Variants in KCNH1 observed in about 807,000 individuals in gnomAD.
The protein encoded by KCNH1 is voltage-gated delayed rectifier potassium channel KCNH1.
Under a neutral mutation model 69.2 loss-of-function variants are expected in KCNH1, and 27 were observed. The ratio of observed to expected loss-of-function variants is 0.39; its 90% CI spans 0.29 to 0.54. The LOEUF is 0.54. Ranked by LOEUF, KCNH1 falls within the 20% of genes least tolerant of loss-of-function variation. The probability of loss-of-function intolerance (pLI) is 0.68; values close to 1 mark genes in which losing one functional copy is unlikely to be tolerated. For missense variants in KCNH1, 798 were observed against 1,261.6 expected (o/e 0.63, Z 5.57); for synonymous variants, 456 against 487.7 (o/e 0.93, Z 0.86).
intron 5 of KCNH1, among the ~76,000 whole-genome samples, chr1:211,051,932 C>G (rs553302809): frequency 6.6e-6 from 1 of 151,950 alleles, no homozygotes; most frequent in Non-Finnish European, 1.5e-5. Context: ...CTCCAAATCT[C>G]TCTCTTTGCA....
intron 6 of KCNH1, among the ~76,000 whole-genome samples, chr1:210,974,964 C>G (rs1464212349): frequency 6.6e-6 from 1 of 152,076 alleles, no homozygotes; most frequent in Non-Finnish European, 1.5e-5. Flanking sequence ...TTTATACACA[C>G]TTACATCCTT....
intron 5 of KCNH1, among the ~76,000 whole-genome samples, chr1:211,020,233 T>A (rs535861891): frequency 2.9e-4 from 44 of 151,686 alleles, no homozygotes; most frequent in Non-Finnish European, 4.6e-4. Context: ...AACATAATTT[T>A]AAAAAAACCC....
At chr1:210,760,704 G>A (rs945223728) in intron 10 of KCNH1, among the ~76,000 whole-genome samples, 8 of 152,214 alleles carry the variant, frequency 5.3e-5, no homozygotes, top group South Asian at 4.1e-4. Flanking sequence ...GACACAAGTC[G>A]CATCTTACAT....
intron 5 of KCNH1, among the ~76,000 whole-genome samples, chr1:211,056,516 T>C (rs375738560): frequency 6.6e-6 from 1 of 151,294 alleles, no homozygotes; most frequent in Admixed American, 6.6e-5. Context: ...CACTTGCTGA[T>C]TGTAGAGCCC....
At chr1:211,114,579 C>T (rs1432004422) in intron 1 of KCNH1, among the ~76,000 whole-genome samples, 3 of 152,116 alleles carry the variant, frequency 2.0e-5, no homozygotes, top group Admixed American at 6.5e-5. Flanking sequence ...AATTCCAGTA[C>T]GAGGACACTA....
At chr1:210,749,548 C>T (rs1267535215) in intron 10 of KCNH1, among the ~76,000 whole-genome samples, 2 of 152,096 alleles carry the variant, frequency 1.3e-5, no homozygotes, top group African/African-American at 2.4e-5. Flanking sequence ...AATTTTGACC[C>T]CTCTCCTGAC....
chr1:210,977,881 A>G (rs1376040725), intron 6 of KCNH1, among the ~76,000 whole-genome samples: 2 of 152,174 alleles, frequency 1.3e-5, no homozygotes, highest in Non-Finnish European at 2.9e-5. Context: ...TAGCATACCT[A>G]TCACCTCAAA....
intron 6 of KCNH1, among the ~76,000 whole-genome samples, chr1:210,991,274 G>T (rs377755521): frequency 1.3e-5 from 2 of 152,100 alleles, no homozygotes; most frequent in South Asian, 4.1e-4. Context: ...ATTATACAGC[G>T]TTTTTTAAGA....
In KCNH1 at chr1:210,808,838, A is replaced by T. The variant is rs891437606; in HGVS notation, c.1463-4672T>A. Among the ~76,000 whole-genome samples the T allele has an allele frequency of 5.9e-5, 9 of 152,178 alleles. No individual in the cohort carries two copies. The East Asian group carries it at 1.5e-3, about 26-fold the overall frequency. On this transcript the variant is annotated intron_variant, in intron 7 of 10. Transcript: ENST00000271751. Reference sequence around the variant, plus strand: ...GACATGTAAGTCCAGTTGTCACCTGAATAGATATATGAGTGTGATGTAGAG... The same window carrying T: ...GACATGTAAGTCCAGTTGTCACCTGTATAGATATATGAGTGTGATGTAGAG...
chr1:211,047,649 T>C (rs898036222), intron 5 of KCNH1, among the ~76,000 whole-genome samples: 1 of 152,134 alleles, frequency 6.6e-6, no homozygotes, highest in Admixed American at 6.5e-5. Flanking sequence ...ACTATGAAGA[T>C]CAAATCAGAA....
At chr1:210,841,485 C>T (rs567575938) in intron 7 of KCNH1, among the ~76,000 whole-genome samples, 7 of 152,084 alleles carry the variant, frequency 4.6e-5, no homozygotes, top group South Asian at 4.1e-4. Flanking sequence ...TAATTAATTG[C>T]GAAATGATAA....
At chr1:210,719,127 G>C (rs1263065358) in intron 10 of KCNH1, among the ~76,000 whole-genome samples, 1 of 152,068 alleles carries the variant, frequency 6.6e-6, no homozygotes, top group East Asian at 1.9e-4. Flanking sequence ...AAATTAACAA[G>C]GCATTAGCTC....
intron 1 of KCNH1, among the ~76,000 whole-genome samples, chr1:211,124,687 G>C (rs1426411281): frequency 6.6e-6 from 1 of 152,132 alleles, no homozygotes; most frequent in South Asian, 2.1e-4. Flanking sequence ...TCTCAGCCAG[G>C]GTCTTGGCAG....
In KCNH1 at chr1:210,775,465, G is replaced by A. The variant is rs1407898771; in HGVS notation, c.1995C>T (p.Thr665=). ...AQSCANVRAL[T]YCDLHVIKRD... ...GCTTGATCACATGCAGATCACAGTA[G>A]GTCAAGGCCCTAACATTGGCACAGG... Residue 665 remains threonine, a synonymous_variant, in exon 10 of 11, where the codon ACC becomes ACT. Transcript: ENST00000271751. The A allele has an allele frequency of 1.9e-6, 3 of 1,614,080 alleles. No individual in the cohort carries two copies. Among genetic ancestry groups the A allele is most frequent in the Non-Finnish European group, 2.5e-6 (3 of 1,179,940 alleles).
At chr1:211,033,297 C>G (rs1174992017) in intron 5 of KCNH1, among the ~76,000 whole-genome samples, 1 of 152,172 alleles carries the variant, frequency 6.6e-6, no homozygotes, top group Non-Finnish European at 1.5e-5. Flanking sequence ...AATAGGAACA[C>G]TTTTTTACAC....
chr1:210,992,447 T>C (rs1245556771), intron 6 of KCNH1, among the ~76,000 whole-genome samples: 1 of 152,220 alleles, frequency 6.6e-6, no homozygotes, highest in Non-Finnish European at 1.5e-5. Flanking sequence ...AGAGCACTCA[T>C]TTCTGGTGCT....
intron 10 of KCNH1, among the ~76,000 whole-genome samples, chr1:210,700,372 C>T (rs1365390280): frequency 6.6e-6 from 1 of 152,168 alleles, no homozygotes; most frequent in African/African-American, 2.4e-5. Flanking sequence ...TTCATGCTCT[C>T]ATCTGGGCCC....
chr1:210,963,272 C>A (rs1688331637), intron 6 of KCNH1, among the ~76,000 whole-genome samples: 1 of 152,056 alleles, frequency 6.6e-6, no homozygotes, highest in Non-Finnish European at 1.5e-5. Flanking sequence ...CGCAGAAACC[C>A]TGTCCGAAGG....
chr1:210,972,896 C>A (rs1234172554), intron 6 of KCNH1, among the ~76,000 whole-genome samples: 1 of 144,156 alleles, frequency 6.9e-6, no homozygotes, highest in Non-Finnish European at 1.5e-5. Context: ...ATTGTCTCAT[C>A]TTTCTCCTTC....
Sources: gnomAD v4.1 joint callset for allele counts (sites outside exome capture counted in the v4.1 genomes callset) on GRCh38, gnomAD v4.1.1 for gene constraint, MANE v1.5 for transcripts, NCBI Gene and HGNC (gene_info 2026-07-23, HGNC 2026-07-21) for gene names.